The following HECW1 variants were observed in gnomAD, a reference collection of about 807,000 sequenced individuals.
HECW1 encodes the protein E3 ubiquitin-protein ligase HECW1.
HECW1 carries 61 observed loss-of-function variants against 182.3 expected under a neutral mutation model. The ratio of observed to expected loss-of-function variants is 0.33; its 90% confidence interval spans 0.27 to 0.41. HECW1 has a LOEUF of 0.41. Ranked by LOEUF, HECW1 falls within the 10% of genes least tolerant of loss-of-function variation. The probability of loss-of-function intolerance (pLI) is 1.00; values close to 1 mark genes in which losing one functional copy is unlikely to be tolerated. For missense variants in HECW1, 1,739 were observed against 2,108.9 expected (o/e 0.82, Z 3.44); for synonymous variants, 859 against 832.6 (o/e 1.03, Z -0.55).
chr7:43,422,858 CT>C (rs2076232218), intron 8 of HECW1, among the ~76,000 whole-genome samples: 5 of 152,028 alleles, frequency 3.3e-5, no homozygotes, highest in Admixed American at 1.3e-4. Flanking sequence ...GCTAAAAGCC[CT>C]GTCACCTGGA....
chr7:43,396,192 T>A (rs116051311), intron 6 of HECW1, among the ~76,000 whole-genome samples: 231 of 152,312 alleles, frequency 1.5e-3, no homozygotes, highest in African/African-American at 5.5e-3. Flanking sequence ...TATTGAGCAA[T>A]GATGAAAAAC....
intron 2 of HECW1, among the ~76,000 whole-genome samples, chr7:43,237,140 A>AGTAGGTAGGTAGGTAGGTAG (rs71008898): frequency 2.2e-5 from 3 of 133,854 alleles, no homozygotes; most frequent in South Asian, 2.5e-4. Context: ...GAAGGAAGGA[A>AGTAGGTAGGTAGGTAGGTAG]GTAGGTAGGT....
At chr7:43,351,184 G>A (rs922804483) in intron 5 of HECW1, among the ~76,000 whole-genome samples, 1 of 152,156 alleles carries the variant, frequency 6.6e-6, no homozygotes, top group Non-Finnish European at 1.5e-5. Context: ...GGCTGTTACT[G>A]GGGGTTATCT....
intron 2 of HECW1, among the ~76,000 whole-genome samples, chr7:43,124,391 A>G (rs766168520): frequency 6.6e-6 from 1 of 152,226 alleles, no homozygotes; most frequent in Non-Finnish European, 1.5e-5. Flanking sequence ...TTTTCAGGCA[A>G]TGAGCTCAGT....
At chr7:43,115,564 C>G (rs1336030108) in intron 2 of HECW1, among the ~76,000 whole-genome samples, 1 of 152,138 alleles carries the variant, frequency 6.6e-6, no homozygotes, top group Non-Finnish European at 1.5e-5. Flanking sequence ...TGGTGTTGCT[C>G]TCAAAACTTG....
intron 11 of HECW1, among the ~76,000 whole-genome samples, chr7:43,446,813 C>A (rs1403601937): frequency 6.6e-6 from 1 of 152,104 alleles, no homozygotes; most frequent in African/African-American, 2.4e-5. Context: ...GAAAGGTACC[C>A]ACAAGGAGCG....
chr7:43,462,502 A>C (rs1202683350), intron 13 of HECW1, among the ~76,000 whole-genome samples: 5 of 151,932 alleles, frequency 3.3e-5, no homozygotes, highest in Non-Finnish European at 7.4e-5. Flanking sequence ...GGAAAAAAAA[A>C]AGAGAAAAGA....
Position 43,562,825 on chromosome 7 carries a change from G to T in HECW1, c.*899G>T, listed in dbSNP as rs1479470171. 4.6e-6 allele frequency: 1 copy of T among 217,114 alleles called. No individual in the cohort carries two copies. Among genetic ancestry groups the T allele is most frequent in the Non-Finnish European group, 9.3e-6 (1 of 107,970 alleles). 13.4% of individuals were successfully genotyped at this position (217,114 alleles called of 1,614,324 possible). A position where few individuals can be genotyped will look rare whatever the true frequency, so the allele number is the denominator to read the frequency against. On this transcript the variant is annotated 3_prime_UTR_variant, in exon 30 of 30. Transcript: ENST00000395891. ...ATGCCAACTGGAGAAAGGGAAGAAG[G>T]ACATATTACCTTGGTTTGAATCCCT...
chr7:43,525,528 T>C (rs1380941305), intron 24 of HECW1, among the ~76,000 whole-genome samples: 2 of 152,120 alleles, frequency 1.3e-5, no homozygotes, highest in African/African-American at 2.4e-5. Context: ...GGTGGGCCCA[T>C]TGTAAACCAC....
chr7:43,388,675 T>G (rs564137888), intron 6 of HECW1, among the ~76,000 whole-genome samples: 5 of 152,248 alleles, frequency 3.3e-5, no homozygotes, highest in African/African-American at 1.2e-4. Flanking sequence ...CAGGCTGGAG[T>G]GCAGTGGCAT....
chr7:43,258,947 T>C (rs896526815), intron 3 of HECW1, among the ~76,000 whole-genome samples: 1 of 152,156 alleles, frequency 6.6e-6, no homozygotes, highest in Non-Finnish European at 1.5e-5. Flanking sequence ...TTTGTTTTGT[T>C]TTGTTTTTGT....
At chr7:43,388,188 A>G (rs1000359071) in intron 6 of HECW1, among the ~76,000 whole-genome samples, 1 of 152,204 alleles carries the variant, frequency 6.6e-6, no homozygotes, top group African/African-American at 2.4e-5. Flanking sequence ...ACCTCCGTAA[A>G]TGCTCCCAAC....
intron 2 of HECW1, among the ~76,000 whole-genome samples, chr7:43,166,558 G>A (rs1562621393): frequency 1.3e-5 from 2 of 152,142 alleles, no homozygotes; most frequent in Admixed American, 6.5e-5. Flanking sequence ...GAAAAGATAG[G>A]GGTTAGTCAC....
At chr7:43,260,793 T>C (rs988380496) in intron 3 of HECW1, among the ~76,000 whole-genome samples, 1 of 152,162 alleles carries the variant, frequency 6.6e-6, no homozygotes, top group South Asian at 2.1e-4. Context: ...GACTGACTTG[T>C]AGGTTTCATC....
intron 5 of HECW1, among the ~76,000 whole-genome samples, chr7:43,347,046 G>A (rs1482690865): frequency 1.3e-5 from 2 of 152,136 alleles, no homozygotes; most frequent in African/African-American, 2.4e-5. Flanking sequence ...GTGGTATTCT[G>A]AAGGGGATTG....
chr7:43,281,857 C>T lies in HECW1; in HGVS notation c.28-29906C>T, dbSNP rs371932543. On this transcript the variant is annotated intron_variant, in intron 3 of 29. Transcript: ENST00000395891. ...ATTTAATATTATGGGTGTGAGCCAC[C>T]ATGCTTAGCTCAGAATTGGATTCTT... is the stretch of plus-strand genomic sequence containing the variant. Among the ~76,000 whole-genome samples, 12 of 151,684 alleles carry T rather than the reference C, an allele frequency of 7.9e-5. No individual in the cohort carries two copies. In the South Asian group the frequency reaches 1.3e-3, roughly 16 times the overall value.
chr7:43,223,634 A>G (rs1348285475), intron 2 of HECW1, among the ~76,000 whole-genome samples: 5 of 151,834 alleles, frequency 3.3e-5, no homozygotes, highest in South Asian at 2.1e-4. Flanking sequence ...AAAAAAAAAT[A>G]TGCCAAGTTG....
intron 17 of HECW1, 39 bp downstream of exon 17, chr7:43,479,783 A>G (rs776525297): frequency 1.2e-6 from 2 of 1,611,634 alleles, no homozygotes; most frequent in East Asian, 4.5e-5. Context: ...TTCACCGGTC[A>G]CAGTCTCTGC....
At chr7:43,376,584 G>T (rs994491772) in intron 6 of HECW1, among the ~76,000 whole-genome samples, 2 of 152,162 alleles carry the variant, frequency 1.3e-5, no homozygotes, top group African/African-American at 4.8e-5. Flanking sequence ...TTCAAATATA[G>T]CTCGGCACAG....
Sources: allele counts gnomAD v4.1 joint callset (sites outside exome capture counted in the v4.1 genomes callset), GRCh38; gene constraint gnomAD v4.1.1; transcripts MANE v1.5; gene names NCBI Gene and HGNC (gene_info 2026-07-23, HGNC 2026-07-21).